Variants in DCT observed in about 807,000 individuals in gnomAD.
The protein encoded by DCT is dopachrome tautomerase.
A neutral mutation model predicts 53.0 loss-of-function variants in DCT; 47 were observed. That is an observed-to-expected ratio of 0.89 (90% confidence interval 0.70 to 1.13). The LOEUF (loss-of-function observed/expected upper bound fraction) is 1.13. DCT is among the 50% of genes most tolerant of loss of function. The pLI is 0.00. For missense variants in DCT, 669 were observed against 637.4 expected (o/e 1.05, Z -0.53); for synonymous variants, 244 against 237.0 (o/e 1.03, Z -0.27).
the DCT span, among the ~76,000 whole-genome samples, chr13:94,500,771 T>G: frequency 6.6e-6 from 1 of 152,352 alleles, no homozygotes; most frequent in Non-Finnish European, 1.5e-5. Flanking sequence ...TTCCTTTTCT[T>G]GGCTATTAGA....
chr13:94,487,425 T>C, the DCT span, among the ~76,000 whole-genome samples: 8 of 152,270 alleles, frequency 5.3e-5, no homozygotes, highest in Admixed American at 3.3e-4. Flanking sequence ...ACTCAATGTA[T>C]GTTCATGACA....
At chr13:94,502,440 G>T in the DCT span, among the ~76,000 whole-genome samples, 1 of 152,154 alleles carries the variant, frequency 6.6e-6, no homozygotes, top group Non-Finnish European at 1.5e-5. Context: ...TACTTTCCCT[G>T]CCAGACTCTT....
At chr13:94,449,951 C>G (rs561589703) in intron 6 of DCT, among the ~76,000 whole-genome samples, 1 of 152,302 alleles carries the variant, frequency 6.6e-6, no homozygotes, top group African/African-American at 2.4e-5. Flanking sequence ...CTCCTATGGA[C>G]TCAATGTGTG....
chr13:94,547,984 A>ATATAT, the DCT span, among the ~76,000 whole-genome samples: 1 of 65,844 alleles, frequency 1.5e-5, no homozygotes, highest in Non-Finnish European at 2.3e-5. Flanking sequence ...AAAAAAAAAA[A>ATATAT]ATATATATAT....
At chr13:94,475,076 A>G (rs1345562089) in intron 1 of DCT, among the ~76,000 whole-genome samples, 1 of 152,172 alleles carries the variant, frequency 6.6e-6, no homozygotes, top group Non-Finnish European at 1.5e-5. Context: ...TCAGGTTTCA[A>G]TTCCAAAGAT....
At chr13:94,487,012 A>C in the DCT span, among the ~76,000 whole-genome samples, 3 of 152,260 alleles carry the variant, frequency 2.0e-5, no homozygotes, top group Admixed American at 1.3e-4. Context: ...ATCCCTAAAA[A>C]TTTGGTATAA....
chr13:94,472,552 ATATATATATATATATATTTTTTTTTTTT>A (rs1884775343), intron 1 of DCT, among the ~76,000 whole-genome samples: 4 of 25,008 alleles, frequency 1.6e-4, no homozygotes, highest in Non-Finnish European at 2.7e-4. Flanking sequence ...ATATATATAT[ATATATATATATATATATTTTTTTTTTTT>A]TTTTTTTTTT....
chr13:94,485,332 G>A, the DCT span, among the ~76,000 whole-genome samples: 1 of 152,122 alleles, frequency 6.6e-6, no homozygotes, highest in African/African-American at 2.4e-5. Context: ...TAGAGACTCC[G>A]AGCATCATCA....
At chr13:94,490,431 G>A in the DCT span, among the ~76,000 whole-genome samples, 31 of 148,978 alleles carry the variant, frequency 2.1e-4, no homozygotes, top group East Asian at 2.0e-3. Context: ...CTTAAATCTG[G>A]CAGGTAGAGG....
chr13:94,442,521 C>G (rs1252151373), intron 7 of DCT, among the ~76,000 whole-genome samples: 3 of 152,120 alleles, frequency 2.0e-5, no homozygotes, highest in Non-Finnish European at 4.4e-5. Flanking sequence ...TTGCCAGGCT[C>G]CTAACATTCT....
chr13:94,457,484 A>G (rs556580212), intron 6 of DCT, among the ~76,000 whole-genome samples: 1 of 152,316 alleles, frequency 6.6e-6, no homozygotes, highest in Non-Finnish European at 1.5e-5. Flanking sequence ...GAACTGTGGG[A>G]TATAAATTTC....
chr13:94,483,638 A>G (rs548258139), upstream of DCT, among the ~76,000 whole-genome samples: 1 of 152,226 alleles, frequency 6.6e-6, no homozygotes, highest in Admixed American at 6.5e-5. Context: ...AGTACCTGGG[A>G]CTACAGGCAC....
Position 94,443,469 on chromosome 13 carries a change from G to C in DCT, c.1348C>G (p.Gln450Glu). The C allele has an allele frequency of 6.2e-7, 1 of 1,613,992 alleles. No homozygotes were observed. The highest frequency in any genetic ancestry group is 8.5e-7 in the Non-Finnish European group (1 of 1,179,884). ...TCGATGGCATAGCTGTAGCCAAGTT[G>C]GTCTGAGGTTAAAAAGAGTTCTTCA... ...TNEELFLTSD[Q>E]LGYSYAIDLP... Residue 450 changes from glutamine to glutamate, a missense_variant, in exon 7 of 8, where the codon CAA (glutamine) becomes GAA (glutamate). Transcript: ENST00000377028.
At position 94,440,721 on chromosome 13, in the gene DCT, C is replaced by T. The variant is rs542738076; in HGVS notation, c.1382-645G>A. 1.4e-4 allele frequency among the ~76,000 whole-genome samples: 19 copies of T among 133,912 alleles called. No individual in the cohort carries two copies. The South Asian group carries it at 4.4e-3, about 31-fold the overall frequency. 87.9% of individuals were successfully genotyped at this position (133,912 alleles called of 152,430 possible). ...TTTTAGATAAAGTCTCGCTCTGTCG[C>T]CCAGGCTGGAGTACAGTGGCATGAT... On this transcript the variant is annotated intron_variant, in intron 7 of 7. Coordinates refer to ENST00000377028, the MANE Select transcript of DCT (RefSeq NM_001922.5).
intron 6 of DCT, among the ~76,000 whole-genome samples, chr13:94,446,749 C>G (rs989250400): frequency 6.6e-6 from 1 of 152,112 alleles, no homozygotes; most frequent in Admixed American, 6.6e-5. Flanking sequence ...GACCTCACTC[C>G]TACCTTCTCG....
rs1337233476 is a variant in DCT, at chr13:94,438,255, A to G, written c.*1643T>C. On this transcript the variant is annotated 3_prime_UTR_variant, in exon 8 of 8. Coordinates refer to ENST00000377028, the MANE Select transcript of DCT (RefSeq NM_001922.5). Reference sequence around the variant, plus strand: ...AAGACACAGTGCTGTATTTTCCATGAATATTGTTAATGGCAGGAACTGAGA... The same window carrying G: ...AAGACACAGTGCTGTATTTTCCATGGATATTGTTAATGGCAGGAACTGAGA... 6.2e-6 allele frequency: 1 copy of G among 160,206 alleles called. No homozygotes were observed. The highest frequency in any genetic ancestry group is 1.4e-5 in the Non-Finnish European group (1 of 73,298). The allele number at this position is 160,206 out of a possible 1,614,324, so 9.9% of individuals were successfully genotyped here. A position where few individuals can be genotyped will look rare whatever the true frequency, so the allele number is the denominator to read the frequency against.
chr13:94,482,741 T>C (rs1311508622), upstream of DCT, among the ~76,000 whole-genome samples: 1 of 152,248 alleles, frequency 6.6e-6, no homozygotes, highest in African/African-American at 2.4e-5. Context: ...ACTGGCTTTA[T>C]ACAAATTAAA....
At chr13:94,490,519 A>C in the DCT span, among the ~76,000 whole-genome samples, 38 of 144,790 alleles carry the variant, frequency 2.6e-4, 1 homozygote, top group East Asian at 5.3e-3. Flanking sequence ...AAAAAAAAAA[A>C]AAAAAAAAAA....
At chr13:94,496,659 G>A in the DCT span, among the ~76,000 whole-genome samples, 1 of 152,228 alleles carries the variant, frequency 6.6e-6, no homozygotes, top group Non-Finnish European at 1.5e-5. Flanking sequence ...ATTTATGTGT[G>A]GTACAGTTTG....
Sources: gnomAD v4.1 joint callset for allele counts (sites outside exome capture counted in the v4.1 genomes callset) on GRCh38, gnomAD v4.1.1 for gene constraint, MANE v1.5 for transcripts, NCBI Gene and HGNC (gene_info 2026-07-23, HGNC 2026-07-21) for gene names.